The following FOCAD variants were observed in gnomAD, a reference collection of about 807,000 sequenced individuals.
FOCAD encodes focadhesin.
Under a neutral mutation model 225.6 loss-of-function variants are expected in FOCAD, and 198 were observed. That is an observed-to-expected ratio of 0.88 (90% CI 0.78 to 0.99). The LOEUF (loss-of-function observed/expected upper bound fraction) is 0.99. Ranked by LOEUF, FOCAD falls within the 50% of genes least tolerant of loss-of-function variation. The pLI is 0.00. For synonymous variants in FOCAD, 897 were observed against 755.0 expected, an observed-to-expected ratio of 1.19 and a Z score of -3.08; for missense variants, 2,713 against 2,123.6, an observed-to-expected ratio of 1.28 and a Z score of -5.46.
At position 20,907,170 on chromosome 9, in the gene FOCAD, G is replaced by T; in HGVS notation, c.2646G>T (p.Glu882Asp). ...LVHEVHIQLS[E>D]WHRAIFLPQA... ...CATAGGTTCATATCCAGCTTTCAGA[G>T]TGGCACCGTGCAATTTTTCTTCCAC... The change falls in exon 22 of 44, where the codon GAG (glutamate) becomes GAT (aspartate). Residue 882 changes from glutamate to aspartate, a missense_variant. Transcript: ENST00000338382. 1 of 1,613,052 alleles carries T rather than the reference G, an allele frequency of 6.2e-7. No homozygotes were observed.
intron 27 of FOCAD, among the ~76,000 whole-genome samples, chr9:20,930,240 C>A (rs1386868848): frequency 6.6e-6 from 1 of 152,122 alleles, no homozygotes; most frequent in Non-Finnish European, 1.5e-5. Context: ...GTGGAAAATT[C>A]CACTAAATCG....
intron 28 of FOCAD, among the ~76,000 whole-genome samples, chr9:20,937,951 T>C (rs1836171044): frequency 6.6e-6 from 1 of 152,152 alleles, no homozygotes; most frequent in Non-Finnish European, 1.5e-5. Context: ...AAAGAAGACA[T>C]TTATGCAGCC....
chr9:20,666,061 A>G (rs2131267658), intron 2 of FOCAD, among the ~76,000 whole-genome samples: 1 of 152,144 alleles, frequency 6.6e-6, no homozygotes, highest in Non-Finnish European at 1.5e-5. Flanking sequence ...CGCCCAGCTA[A>G]TTTTTGTATC....
At chr9:20,926,919 T>C (rs1216370442) in intron 26 of FOCAD, among the ~76,000 whole-genome samples, 1 of 150,796 alleles carries the variant, frequency 6.6e-6, no homozygotes, top group Non-Finnish European at 1.5e-5. Flanking sequence ...ATATAAAATA[T>C]GAAAATATTA....
intron 21 of FOCAD, among the ~76,000 whole-genome samples, chr9:20,906,207 A>C (rs1832966760): frequency 6.6e-6 from 1 of 152,032 alleles, no homozygotes; most frequent in Admixed American, 6.6e-5. Flanking sequence ...TTATCTTCTT[A>C]TCTTCCCTAT....
At chr9:20,969,911 CTTTG>C (rs1839614398) in intron 35 of FOCAD, among the ~76,000 whole-genome samples, 2 of 151,216 alleles carry the variant, frequency 1.3e-5, no homozygotes, top group South Asian at 4.2e-4. Flanking sequence ...ACTCCCTCAA[CTTTG>C]TTTTTCTGTA....
At chr9:20,795,011 T>C (rs1587191868) in intron 11 of FOCAD, among the ~76,000 whole-genome samples, 1 of 151,946 alleles carries the variant, frequency 6.6e-6, no homozygotes, top group African/African-American at 2.4e-5. Flanking sequence ...ATCCAGAAAA[T>C]TTTATTAGTA....
At chr9:20,798,272 C>A (rs191936516) in intron 11 of FOCAD, among the ~76,000 whole-genome samples, 63 of 152,258 alleles carry the variant, frequency 4.1e-4, no homozygotes, top group African/African-American at 1.4e-3. Flanking sequence ...AATATTTTTG[C>A]ATGGATGTTC....
intron 18 of FOCAD, among the ~76,000 whole-genome samples, chr9:20,867,224 A>G (rs902339456): frequency 2.0e-5 from 3 of 151,938 alleles, no homozygotes; most frequent in African/African-American, 4.8e-5. Context: ...TGCAAATGAA[A>G]TCTTCTTAAG....
At chr9:20,942,090 A>G (rs957758762) in intron 28 of FOCAD, among the ~76,000 whole-genome samples, 1 of 152,362 alleles carries the variant, frequency 6.6e-6, no homozygotes. Context: ...CAGAGGGGCA[A>G]TAGATGTATA....
At chr9:20,961,496 A>G (rs1439015372) in intron 35 of FOCAD, among the ~76,000 whole-genome samples, 1 of 152,136 alleles carries the variant, frequency 6.6e-6, no homozygotes, top group African/African-American at 2.4e-5. Context: ...TTTAGAAGCT[A>G]ACATCTGTGT....
rs1434694359 is a variant in FOCAD, at chr9:20,874,729, G to C, written c.2239G>C (p.Val747Leu). ...TGAAGAGTTAGATGACGATGAAGAT[G>C]TTGAGGATGTGGATCTTTCAGTTCC... Reference protein sequence around the residue: ...IPEELDDDEDVEDVDLSVPGS... With the variant: ...IPEELDDDEDLEDVDLSVPGS... Residue 747 changes from valine to leucine, a missense_variant, in exon 19 of 44, where the codon GTT becomes CTT. Coordinates refer to ENST00000338382, the MANE Select transcript of FOCAD (RefSeq NM_001375567.1). 7 of 1,613,496 alleles carry C rather than the reference G, an allele frequency of 4.3e-6. No homozygotes were observed. The highest frequency in any genetic ancestry group is 5.1e-6 in the Non-Finnish European group (6 of 1,179,686).
intron 24 of FOCAD, among the ~76,000 whole-genome samples, chr9:20,921,199 G>A (rs1230474271): frequency 6.6e-6 from 1 of 152,110 alleles, no homozygotes; most frequent in African/African-American, 2.4e-5. Context: ...AAAAATCACT[G>A]AAGTATTGAG....
At chr9:20,898,352 TC>T (rs767626447) in intron 21 of FOCAD, among the ~76,000 whole-genome samples, 9 of 151,782 alleles carry the variant, frequency 5.9e-5, no homozygotes, top group African/African-American at 9.7e-5. Context: ...TGTCTGGAAT[TC>T]CTATTATGTG....
In FOCAD at chr9:20,976,486, GC is replaced by G. The variant is rs1274606926; in HGVS notation, c.4200del (p.Tyr1401ThrfsTer6). 1 of 1,613,238 alleles carries G rather than the reference GC, an allele frequency of 6.2e-7. No individual in the cohort carries two copies. The highest frequency in any genetic ancestry group is 1.3e-5 in the African/African-American group (1 of 74,854). On this transcript the variant is annotated frameshift_variant, in exon 36 of 44. Coordinates refer to ENST00000338382, the MANE Select transcript of FOCAD (RefSeq NM_001375567.1). LOFTEE classifies it high-confidence loss of function. ...VMKPIATVGE[S>X]YQYPPVNWAA... ...AAACCCATAGCAACTGTTGGAGAAA[GC>G]TACCAATATCCTCCTGTGAACTGGG...
intron 9 of FOCAD, 83 bp from the exon 10 acceptor site, chr9:20,781,644 G>T: frequency 8.4e-7 from 1 of 1,185,620 alleles, no homozygotes. Context: ...AAACTTTCTT[G>T]CATATCATTC....
chr9:20,930,795 T>C (rs1835393647), intron 27 of FOCAD, among the ~76,000 whole-genome samples: 1 of 152,170 alleles, frequency 6.6e-6, no homozygotes, highest in African/African-American at 2.4e-5. Flanking sequence ...TAAATATAGG[T>C]CTTGTTCTGG....
At chr9:20,748,603 C>T (rs1303990806) in intron 5 of FOCAD, among the ~76,000 whole-genome samples, 1 of 152,042 alleles carries the variant, frequency 6.6e-6, no homozygotes, top group Non-Finnish European at 1.5e-5. Context: ...TGAAAAAGCC[C>T]AATGGAGTTA....
chr9:20,814,419 G>A (rs774779730), intron 11 of FOCAD, among the ~76,000 whole-genome samples: 2 of 150,870 alleles, frequency 1.3e-5, no homozygotes, highest in Non-Finnish European at 1.5e-5. Context: ...ATAGTGGCAC[G>A]ATCTTGGCTC....
Sources: gnomAD v4.1 joint callset for allele counts (sites outside exome capture counted in the v4.1 genomes callset) on GRCh38, gnomAD v4.1.1 for gene constraint, MANE v1.5 for transcripts, NCBI Gene and HGNC (gene_info 2026-07-23, HGNC 2026-07-21) for gene names.